The following EFCAB6 variants were observed in gnomAD, a reference collection of about 807,000 sequenced individuals.
EFCAB6 encodes EF-hand calcium-binding domain-containing protein 6.
A neutral mutation model predicts 169.8 loss-of-function variants in EFCAB6; 156 were observed. The ratio of observed to expected loss-of-function variants is 0.92; its 90% CI spans 0.81 to 1.05. The LOEUF (loss-of-function observed/expected upper bound fraction) is 1.05. Ranked by LOEUF, EFCAB6 falls within the 50% of genes least tolerant of loss-of-function variation. EFCAB6 has a pLI of 0.00. For synonymous variants in EFCAB6, 698 were observed against 676.4 expected (o/e 1.03, Z -0.50); for missense variants, 1,800 against 1,829.1 (o/e 0.98, Z 0.29).
chr22:43,582,467 C>G (rs1375833742), intron 24 of EFCAB6, among the ~76,000 whole-genome samples: 1 of 152,120 alleles, frequency 6.6e-6, no homozygotes, highest in Non-Finnish European at 1.5e-5. Context: ...TATGCTCAGA[C>G]AAGCCATCAA....
At chr22:43,771,651 C>T (rs1405610563) in intron 4 of EFCAB6, among the ~76,000 whole-genome samples, 3 of 151,928 alleles carry the variant, frequency 2.0e-5, no homozygotes, top group Admixed American at 1.3e-4. Context: ...TTTTTTAAGG[C>T]CCCCAAGGAT....
intron 13 of EFCAB6, among the ~76,000 whole-genome samples, chr22:43,675,105 A>G (rs1281816941): frequency 1.3e-5 from 2 of 151,352 alleles, no homozygotes; most frequent in African/African-American, 4.9e-5. Flanking sequence ...AAAATAGATC[A>G]CAAGGCCTTA....
At chr22:43,734,081 GGA>G (rs2147649763) in intron 7 of EFCAB6, among the ~76,000 whole-genome samples, 1 of 152,246 alleles carries the variant, frequency 6.6e-6, no homozygotes, top group Non-Finnish European at 1.5e-5. Context: ...GAACCAGGGA[GGA>G]GAGAGCACAG....
intron 10 of EFCAB6, among the ~76,000 whole-genome samples, chr22:43,688,696 C>T (rs12159826): frequency 3.3e-5 from 5 of 152,312 alleles, no homozygotes; most frequent in East Asian, 1.9e-4. Flanking sequence ...CAAAAAGCCT[C>T]GGTTGCAGGC....
intron 31 of EFCAB6, 147 bp downstream of exon 31, chr22:43,530,668 T>C: frequency 6.7e-7 from 1 of 1,485,230 alleles, no homozygotes. Flanking sequence ...ACTGGATAAC[T>C]TGGGGGTCCC....
intron 20 of EFCAB6, among the ~76,000 whole-genome samples, chr22:43,617,834 T>C (rs1428237158): frequency 6.6e-6 from 1 of 152,058 alleles, no homozygotes; most frequent in East Asian, 1.9e-4. Flanking sequence ...CTGGGTGCAG[T>C]GGCTCACGCC....
intron 26 of EFCAB6, 50 bp downstream of exon 26, chr22:43,576,247 A>G: frequency 6.6e-7 from 1 of 1,507,136 alleles, no homozygotes. Flanking sequence ...TGTAAAAACT[A>G]ATTTTAGCTC....
intron 5 of EFCAB6, among the ~76,000 whole-genome samples, chr22:43,764,819 C>CA (rs906722115): frequency 2.8e-4 from 40 of 142,790 alleles, no homozygotes; most frequent in South Asian, 1.1e-3. Flanking sequence ...GCTCATGTTG[C>CA]AAAAAAAAAA....
intron 10 of EFCAB6, among the ~76,000 whole-genome samples, chr22:43,703,227 G>T (rs1024433455): frequency 6.6e-6 from 1 of 152,202 alleles, no homozygotes; most frequent in African/African-American, 2.4e-5. Context: ...AGCCCAGCTT[G>T]GCTGCCCCAC....
chr22:43,765,591 TA>T (rs1042482273), intron 4 of EFCAB6, among the ~76,000 whole-genome samples, 198 bp from the exon 5 acceptor site: 3 of 152,112 alleles, frequency 2.0e-5, no homozygotes, highest in African/African-American at 4.8e-5. Context: ...AAATAGAGTG[TA>T]AATAGCACCC....
intron 25 of EFCAB6, among the ~76,000 whole-genome samples, chr22:43,580,250 C>T (rs2050634247): frequency 6.6e-6 from 1 of 152,122 alleles, no homozygotes; most frequent in Non-Finnish European, 1.5e-5. Flanking sequence ...ACCCCAGACT[C>T]AGCATTTCTA....
At chr22:43,784,603 A>C (rs1474274873) in intron 2 of EFCAB6, among the ~76,000 whole-genome samples, 2 of 93,488 alleles carry the variant, frequency 2.1e-5, no homozygotes, top group Non-Finnish European at 4.5e-5. Flanking sequence ...ATATATACAC[A>C]TATATATGTG....
chr22:43,560,017 C>T (rs2048934829), intron 26 of EFCAB6, among the ~76,000 whole-genome samples: 1 of 151,992 alleles, frequency 6.6e-6, no homozygotes, highest in South Asian at 2.1e-4. Flanking sequence ...TATCCCAGAA[C>T]TGAAAGTAAA....
chr22:43,704,167 A>G (rs2058867465), intron 10 of EFCAB6, among the ~76,000 whole-genome samples: 1 of 152,226 alleles, frequency 6.6e-6, no homozygotes, highest in Admixed American at 6.5e-5. Context: ...CAACATGACT[A>G]TCAGCAGATT....
chr22:43,793,537 C>G lies in EFCAB6; in HGVS notation c.-7-11212G>C, dbSNP rs372641440. Reference sequence around the variant, plus strand: ...AGGAAGAGAAAGAAATATAACCCACCCTGACCCTCTAGTCACTCACCATTT... The same window carrying G: ...AGGAAGAGAAAGAAATATAACCCACGCTGACCCTCTAGTCACTCACCATTT... On this transcript the variant is annotated intron_variant, in intron 2 of 31. Transcript: ENST00000262726. Among the ~76,000 whole-genome samples, 9 of 137,754 alleles carry G rather than the reference C, an allele frequency of 6.5e-5. No homozygotes were observed. In the South Asian group the frequency reaches 2.2e-3, roughly 33 times the overall value. 90.4% of individuals were successfully genotyped at this position (137,754 alleles called of 152,430 possible). A position where few individuals can be genotyped will look rare whatever the true frequency, so the allele number is the denominator to read the frequency against.
rs2057306858 is a variant in EFCAB6 at position 43,667,284 on chromosome 22, A to G, written c.1815-12T>C. 1 of 1,612,690 alleles carries G rather than the reference A, an allele frequency of 6.2e-7. No homozygotes were observed. The highest frequency in any genetic ancestry group is 1.1e-5 in the South Asian group (1 of 90,874). On this transcript the variant is annotated splice_polypyrimidine_tract_variant and intron_variant, in intron 16 of 31. Transcript: ENST00000262726. Reference sequence around the variant, plus strand: ...CCGTGAGCTTGGTTCTAAAATCACAAGCAGGCATTTAGACCCAGTGTCAAC... The same window carrying G: ...CCGTGAGCTTGGTTCTAAAATCACAGGCAGGCATTTAGACCCAGTGTCAAC...
At chr22:43,686,147 A>C (rs866463980) in intron 11 of EFCAB6, among the ~76,000 whole-genome samples, 3 of 151,908 alleles carry the variant, frequency 2.0e-5, no homozygotes, top group Admixed American at 6.6e-5. Context: ...ACGCCTGGCT[A>C]ATTTTGTATT....
intron 8 of EFCAB6, among the ~76,000 whole-genome samples, chr22:43,727,746 G>A (rs886151473): frequency 3.3e-5 from 5 of 152,236 alleles, no homozygotes; most frequent in African/African-American, 1.2e-4. Flanking sequence ...TTATTTATTA[G>A]TCTGCTTTGC....
intron 22 of EFCAB6, among the ~76,000 whole-genome samples, chr22:43,603,965 C>T (rs754905800): frequency 2.6e-5 from 4 of 152,160 alleles, no homozygotes; most frequent in Non-Finnish European, 4.4e-5. Context: ...GTGCTGTTCT[C>T]GTGATATTGA....
Sources: allele counts gnomAD v4.1 joint callset (sites outside exome capture counted in the v4.1 genomes callset), GRCh38; gene constraint gnomAD v4.1.1; transcripts MANE v1.5; gene names NCBI Gene and HGNC (gene_info 2026-07-23, HGNC 2026-07-21).